The following PAFAH1B2 variants were observed in gnomAD, a reference collection of about 807,000 sequenced individuals.
PAFAH1B2 encodes platelet-activating factor acetylhydrolase IB subunit alpha2.
PAFAH1B2 carries 8 observed loss-of-function variants against 28.0 expected under a neutral mutation model. The observed-to-expected ratio is 0.29, with a 90% CI of 0.17 to 0.52. PAFAH1B2 has a LOEUF of 0.52. PAFAH1B2 is among the 20% of genes least tolerant of loss of function. PAFAH1B2 has a pLI of 0.97. For synonymous variants in PAFAH1B2, 104 were observed against 103.2 expected, an observed-to-expected ratio of 1.01 and a Z score of -0.05; for missense variants, 190 against 282.6, an observed-to-expected ratio of 0.67 and a Z score of 2.35.
Position 117,163,902 on chromosome 11 carries a change from CGT to C in PAFAH1B2, c.411+11_411+12del, listed in dbSNP as rs753114571. On this transcript the variant is annotated intron_variant, in intron 5 of 5. Coordinates refer to ENST00000527958, the MANE Select transcript of PAFAH1B2 (RefSeq NM_002572.4). Reference sequence around the variant, plus strand: ...CAAAATCATTGTATTGGTATGTAGTCGTTGGTGGGTAGAGAGTTTGTTATCTT... The same window carrying C: ...CAAAATCATTGTATTGGTATGTAGTCTGGTGGGTAGAGAGTTTGTTATCTT... 7 of 1,612,280 alleles carry C rather than the reference CGT, an allele frequency of 4.3e-6. No individual in the cohort carries two copies. The African/African-American group carries it at 5.3e-5, about 12-fold the overall frequency.
At chr11:117,147,260 C>T (rs112764775) in intron 1 of PAFAH1B2, among the ~76,000 whole-genome samples, 3,699 of 152,244 alleles carry the variant, frequency 0.024, 77 homozygotes, top group Non-Finnish European at 0.036. Flanking sequence ...GGGAGCGAAA[C>T]TCTGTCTCAA....
intron 3 of PAFAH1B2, 142 bp from the exon 4 acceptor site, chr11:117,161,003 A>G (rs1956358903): frequency 1.7e-6 from 1 of 602,006 alleles, no homozygotes; most frequent in South Asian, 2.1e-5. Flanking sequence ...GGTATCTTAA[A>G]AGCCCTTAAA....
In PAFAH1B2 at chr11:117,168,113, C is replaced by G; in HGVS notation, c.*414C>G. The G allele has an allele frequency of 9.5e-7, 1 of 1,054,642 alleles. No individual in the cohort carries two copies. Among genetic ancestry groups the G allele is most frequent in the Non-Finnish European group, 1.1e-6 (1 of 871,742 alleles). 65.3% of individuals were successfully genotyped at this position (1,054,642 alleles called of 1,614,324 possible). A position where few individuals can be genotyped will look rare whatever the true frequency, so the allele number is the denominator to read the frequency against. On this transcript the variant is annotated 3_prime_UTR_variant, in exon 6 of 6. Transcript: ENST00000527958. The stretch of plus-strand genomic sequence containing the variant: ...TACTTGGCTTTAAAACATGTTTTCT[C>G]CAATTTTTTTAAGGTTCATAATTTA...
At chr11:117,160,901 A>G (rs1311656550) in intron 3 of PAFAH1B2, among the ~76,000 whole-genome samples, 2 of 151,902 alleles carry the variant, frequency 1.3e-5, no homozygotes, top group African/African-American at 4.8e-5. Context: ...CTTAATTATT[A>G]ATGTTGATAC....
intron 3 of PAFAH1B2, among the ~76,000 whole-genome samples, chr11:117,160,395 C>G (rs1169760522): frequency 1.3e-5 from 2 of 152,154 alleles, no homozygotes; most frequent in East Asian, 1.9e-4. Flanking sequence ...TTGCCATTTT[C>G]CTATTTCATA....
exon 6 of PAFAH1B2, chr11:117,176,069 A>G: frequency 1.3e-6 from 1 of 777,110 alleles, no homozygotes; most frequent in Non-Finnish European, 2.2e-6. Flanking sequence ...ATATTCGCCT[A>G]GATGTGCTGG....
chr11:117,170,363 C>T lies in PAFAH1B2; in HGVS notation c.*2664C>T, dbSNP rs796298332. On this transcript the variant is annotated 3_prime_UTR_variant, in exon 6 of 6. Coordinates refer to ENST00000527958, the MANE Select transcript of PAFAH1B2 (RefSeq NM_002572.4). ...CACGCATTCCTGCTATACTAGATGGCAGCCAGTGATGGAACTATAAAGATG... is the reference window on the plus strand; with the variant it reads ...CACGCATTCCTGCTATACTAGATGGTAGCCAGTGATGGAACTATAAAGATG... The T allele has an allele frequency of 2.2e-5, 23 of 1,059,706 alleles. 1 individual carries two copies. In the African/African-American group the frequency reaches 3.8e-4, roughly 18 times the overall value. 65.6% of individuals were successfully genotyped at this position (1,059,706 alleles called of 1,614,324 possible). A position where few individuals can be genotyped will look rare whatever the true frequency, so the allele number is the denominator to read the frequency against.
rs1465653098 is a variant in PAFAH1B2 at position 117,168,156 on chromosome 11, T to C, written c.*457T>C. On this transcript the variant is annotated 3_prime_UTR_variant, in exon 6 of 6. Coordinates refer to ENST00000527958, the MANE Select transcript of PAFAH1B2 (RefSeq NM_002572.4). ...ATAATTTAGCCTTTTGTTTTTATGT[T>C]GCTTAGATTCTTATGTATACTGAAT... 1.9e-6 allele frequency: 2 copies of C among 1,051,954 alleles called. No individual in the cohort carries two copies. Among genetic ancestry groups the C allele is most frequent in the Non-Finnish European group, 2.3e-6 (2 of 869,350 alleles). 65.2% of individuals were successfully genotyped at this position (1,051,954 alleles called of 1,614,324 possible). A position where few individuals can be genotyped will look rare whatever the true frequency, so the allele number is the denominator to read the frequency against.
chr11:117,167,730 G>C lies in PAFAH1B2; in HGVS notation c.*31G>C, dbSNP rs750494576. 2.2e-5 allele frequency: 33 copies of C among 1,487,430 alleles called. No individual in the cohort carries two copies. Among genetic ancestry groups the C allele is most frequent in the Non-Finnish European group, 2.4e-5 (27 of 1,114,274 alleles). The allele number at this position is 1,487,430 out of a possible 1,614,324, so 92.1% of individuals were successfully genotyped here. On this transcript the variant is annotated 3_prime_UTR_variant, in exon 6 of 6. Transcript: ENST00000527958. The stretch of plus-strand genomic sequence containing the variant: ...TCTTATCAGTGTTAATAGCATCTCA[G>C]CTTCCTCAGATCAGTTCTATCACTG...
chr11:117,167,001 G>A (rs1034110964), intron 5 of PAFAH1B2, among the ~76,000 whole-genome samples: 1 of 152,200 alleles, frequency 6.6e-6, no homozygotes, highest in Non-Finnish European at 1.5e-5. Context: ...AGATATATGG[G>A]ATGTGAGACT....
chr11:117,172,914 G>A (rs1453724252), downstream of PAFAH1B2, among the ~76,000 whole-genome samples: 1 of 152,148 alleles, frequency 6.6e-6, no homozygotes. Context: ...TGTTTACCAG[G>A]CTGGTCTCGA....
chr11:117,165,444 T>C lies in PAFAH1B2; in HGVS notation c.411+1552T>C, dbSNP rs532838215. On this transcript the variant is annotated intron_variant, in intron 5 of 5. Coordinates refer to ENST00000527958, the MANE Select transcript of PAFAH1B2 (RefSeq NM_002572.4). ...ATACAAATTTAGTTCTTTAGTGAGA[T>C]GGTGTTAGGAAGATAGTCATTTACT... Among the ~76,000 whole-genome samples, 11 of 152,118 alleles carry C rather than the reference T, an allele frequency of 7.2e-5. No individual in the cohort carries two copies. The East Asian group carries it at 9.7e-4, about 13-fold the overall frequency.
chr11:117,170,974 A>G lies in PAFAH1B2; in HGVS notation c.*3275A>G, dbSNP rs1956638110. The G allele has an allele frequency of 1.9e-6, 2 of 1,051,068 alleles. No homozygotes were observed. Among genetic ancestry groups the G allele is most frequent in the Non-Finnish European group, 1.1e-6 (1 of 870,314 alleles). The allele number at this position is 1,051,068 out of a possible 1,614,324, so 65.1% of individuals were successfully genotyped here. A position where few individuals can be genotyped will look rare whatever the true frequency, so the allele number is the denominator to read the frequency against. ...GGAAGTTTGTGATTTTGCTTTGGCA[A>G]AGTTTCATTGACTAGTAGAACTCAT... On this transcript the variant is annotated 3_prime_UTR_variant, in exon 6 of 6. Transcript: ENST00000527958.
At chr11:117,175,381 C>T (rs551847629), downstream of PAFAH1B2, 13 of 1,071,388 alleles carry the variant, frequency 1.2e-5, no homozygotes, top group East Asian at 5.0e-5. Flanking sequence ...TTCATAAGTG[C>T]GGGGTAGGGC....
In PAFAH1B2 at chr11:117,169,133, C is replaced by A. The variant is rs1040853183; in HGVS notation, c.*1434C>A. 2.0e-6 allele frequency: 2 copies of A among 1,023,988 alleles called. No homozygotes were observed. Among genetic ancestry groups the A allele is most frequent in the African/African-American group, 3.4e-5 (2 of 58,736 alleles). 63.4% of individuals were successfully genotyped at this position (1,023,988 alleles called of 1,614,324 possible). On this transcript the variant is annotated 3_prime_UTR_variant, in exon 6 of 6. Coordinates refer to ENST00000527958, the MANE Select transcript of PAFAH1B2 (RefSeq NM_002572.4). Reference sequence around the variant, plus strand: ...AAATTATCCTCCAAAAATTTTGGGCCTTTTTCTGTGGGGAAACAAGTGAAG... The same window carrying A: ...AAATTATCCTCCAAAAATTTTGGGCATTTTTCTGTGGGGAAACAAGTGAAG...
In PAFAH1B2 at chr11:117,146,114, C is replaced by CTTTTT. The variant is rs376242740; in HGVS notation, c.-8+1711_-8+1715dup. 9.4e-5 allele frequency among the ~76,000 whole-genome samples: 13 copies of CTTTTT among 137,962 alleles called. No individual in the cohort carries two copies. The East Asian group carries it at 1.1e-3, about 11-fold the overall frequency. The allele number at this position is 137,962 out of a possible 152,430, so 90.5% of individuals were successfully genotyped here. On this transcript the variant is annotated intron_variant, in intron 1 of 5. Coordinates refer to ENST00000527958, the MANE Select transcript of PAFAH1B2 (RefSeq NM_002572.4). ...TTTGCATTCTGCTTGGTCTTTCTTT[C>CTTTTT]TTTTTTTTTTTTTTTTTTTGTGTGT...
At chr11:117,145,956 G>C (rs1955994289) in intron 1 of PAFAH1B2, among the ~76,000 whole-genome samples, 1 of 152,140 alleles carries the variant, frequency 6.6e-6, no homozygotes, top group South Asian at 2.1e-4. Context: ...AGAGAATATA[G>C]AAAAGGCAGG....
At chr11:117,149,430 G>GTTTTTTT (rs746125678) in intron 1 of PAFAH1B2, among the ~76,000 whole-genome samples, 3 of 86,050 alleles carry the variant, frequency 3.5e-5, no homozygotes, top group South Asian at 3.8e-4. Context: ...TTTTCTAATC[G>GTTTTTTT]TTTTTTTTTT....
At chr11:117,177,201 CCT>C (rs1454631281), downstream of PAFAH1B2, among the ~76,000 whole-genome samples, 1 of 152,038 alleles carries the variant, frequency 6.6e-6, no homozygotes, top group African/African-American at 2.4e-5. Context: ...AGAGCGAGAC[CCT>C]GTCTCCACCC....
Sources: gnomAD v4.1 joint callset for allele counts (sites outside exome capture counted in the v4.1 genomes callset) on GRCh38, gnomAD v4.1.1 for gene constraint, MANE v1.5 for transcripts, NCBI Gene and HGNC (gene_info 2026-07-23, HGNC 2026-07-21) for gene names.